Variants in PLPPR4 observed in about 807,000 individuals in gnomAD.
PLPPR4 encodes phospholipid phosphatase related 4, also known as phospholipid phosphatase-related protein type 4.
Under a neutral mutation model 56.6 loss-of-function variants are expected in PLPPR4, and 24 were observed. The observed-to-expected ratio is 0.42, with a 90% CI of 0.31 to 0.60. The LOEUF (loss-of-function observed/expected upper bound fraction) is 0.60. PLPPR4 is among the 20% of genes least tolerant of loss of function. PLPPR4 has a pLI of 0.13. For missense variants in PLPPR4, 654 were observed against 885.8 expected (o/e 0.74, Z 3.32); for synonymous variants, 326 against 328.1 (o/e 0.99, Z 0.07).
chr1:99,277,457 T>C (rs1659217520), intron 1 of PLPPR4, among the ~76,000 whole-genome samples: 1 of 152,202 alleles, frequency 6.6e-6, no homozygotes, highest in Non-Finnish European at 1.5e-5. Flanking sequence ...TAGTCAGTCC[T>C]CTTCAATTAG....
chr1:99,264,480 G>T (rs1392666516), upstream of PLPPR4: 1 of 1,526,688 alleles, frequency 6.6e-7, no homozygotes, highest in Admixed American at 2.2e-5. Context: ...CGGTGGCCGC[G>T]GGGAATGTGA....
intron 1 of PLPPR4, among the ~76,000 whole-genome samples, chr1:99,284,370 C>T (rs1454103476): frequency 1.3e-5 from 2 of 151,864 alleles, no homozygotes; most frequent in East Asian, 1.9e-4. Flanking sequence ...AGATTTTATA[C>T]AAATAACTAT....
At position 99,306,993 on chromosome 1, in the gene PLPPR4, C is replaced by G. The variant is rs998231690; in HGVS notation, c.2131C>G (p.Arg711Gly). ...CTTCTACAAAGGAACCTCCCCCACA[C>G]GGGCTTATAAGGATTGAGTGATGTC... ...NIFYKGTSPT[R>G]AYKD Residue 711 changes from arginine (R) to glycine (G), a missense_variant, in exon 7 of 7, where the codon CGG becomes GGG. Physicochemically the swap from Arg to Gly is moderately radical, Grantham distance 125. Coordinates refer to ENST00000370185, the MANE Select transcript of PLPPR4 (RefSeq NM_014839.5). This position sits in a 1 kb window ranked among gnomAD's most constrained non-coding sequence, Gnocchi z 4.0. 2 of 1,601,554 alleles carry G rather than the reference C, an allele frequency of 1.2e-6. No homozygotes were observed. Among genetic ancestry groups the G allele is most frequent in the African/African-American group, 2.7e-5 (2 of 74,820 alleles).
chr1:99,266,008 C>T (rs1176900106), intron 1 of PLPPR4, among the ~76,000 whole-genome samples: 1 of 152,066 alleles, frequency 6.6e-6, no homozygotes, highest in Non-Finnish European at 1.5e-5. Context: ...AATAATGAAT[C>T]CATTTATTAT....
At chr1:99,281,884 C>T (rs575768040) in intron 1 of PLPPR4, among the ~76,000 whole-genome samples, 1 of 152,194 alleles carries the variant, frequency 6.6e-6, no homozygotes, top group Admixed American at 6.5e-5. Flanking sequence ...TAGAATAGCT[C>T]TTGCATATGT....
intron 1 of PLPPR4, among the ~76,000 whole-genome samples, chr1:99,277,872 A>T (rs182519582): frequency 9.2e-5 from 14 of 152,236 alleles, no homozygotes; most frequent in Admixed American, 7.9e-4. Flanking sequence ...AAGATCGCTC[A>T]TGTAGAAGTT....
intron 1 of PLPPR4, among the ~76,000 whole-genome samples, chr1:99,277,305 C>CTTAT (rs1209775674): frequency 6.6e-6 from 1 of 152,178 alleles, no homozygotes; most frequent in East Asian, 1.9e-4. Context: ...GAAAGCTCTA[C>CTTAT]TCTTGTCTGC....
intron 2 of PLPPR4, among the ~76,000 whole-genome samples, chr1:99,294,778 C>T (rs1176197634): frequency 6.6e-6 from 1 of 151,224 alleles, no homozygotes; most frequent in Non-Finnish European, 1.5e-5. Context: ...TGACAAAACA[C>T]ACTTTTCTAT....
intron 3 of PLPPR4, among the ~76,000 whole-genome samples, chr1:99,297,163 C>G (rs955811815): frequency 1.3e-5 from 2 of 152,156 alleles, no homozygotes; most frequent in African/African-American, 4.8e-5. Flanking sequence ...TTCACTGGAT[C>G]TGTGGTCAGT....
At chr1:99,293,619 A>C (rs1659674540) in intron 2 of PLPPR4, among the ~76,000 whole-genome samples, 1 of 152,218 alleles carries the variant, frequency 6.6e-6, no homozygotes, top group African/African-American at 2.4e-5. Flanking sequence ...TTATAGAAGA[A>C]TTCCATCAGA....
At chr1:99,301,395 A>G (rs1309112654) in intron 5 of PLPPR4, among the ~76,000 whole-genome samples, 4 of 152,014 alleles carry the variant, frequency 2.6e-5, no homozygotes, top group African/African-American at 9.7e-5. Flanking sequence ...ATGAATAGTC[A>G]TTTTATCTAA....
At chr1:99,274,329 G>A (rs1008117573) in intron 1 of PLPPR4, among the ~76,000 whole-genome samples, 13 of 151,962 alleles carry the variant, frequency 8.6e-5, no homozygotes, top group African/African-American at 1.2e-4. Flanking sequence ...TTAATCATAT[G>A]CAAATTATAA....
chr1:99,268,408 G>T (rs1456169), intron 1 of PLPPR4, among the ~76,000 whole-genome samples: 67,654 of 152,074 alleles, frequency 0.44, 15,892 homozygotes, highest in Middle Eastern at 0.54. Context: ...AGAGTGTCAA[G>T]GTATCTCTAA....
At chr1:99,286,726 G>T (rs1425562073) in intron 1 of PLPPR4, among the ~76,000 whole-genome samples, 1 of 152,140 alleles carries the variant, frequency 6.6e-6, no homozygotes, top group Non-Finnish European at 1.5e-5. Context: ...TACAGGAAAA[G>T]AATGAAAACC....
intron 5 of PLPPR4, 125 bp from the exon 6 acceptor site, chr1:99,301,599 T>C (rs983952690): frequency 8.4e-6 from 5 of 594,446 alleles, no homozygotes; most frequent in Non-Finnish European, 1.5e-5. Flanking sequence ...AACATAGCCA[T>C]AGGAAGAGGG....
intron 4 of PLPPR4, 69 bp downstream of exon 4, chr1:99,299,299 T>A: frequency 1.8e-6 from 2 of 1,097,816 alleles, no homozygotes; most frequent in South Asian, 2.7e-5. Flanking sequence ...GGAGTATCAC[T>A]TTAAGCATGC....
At chr1:99,286,289 T>C (rs1246810102) in intron 1 of PLPPR4, among the ~76,000 whole-genome samples, 1 of 152,206 alleles carries the variant, frequency 6.6e-6, no homozygotes, top group Non-Finnish European at 1.5e-5. Context: ...AGTCTAGTTA[T>C]TGTAATTAAA....
rs1315235564 is a variant in PLPPR4, at chr1:99,306,347, C to T, written c.1485C>T (p.Asn495=). Residue 495 remains asparagine, a synonymous_variant, in exon 7 of 7, where the codon AAC becomes AAT. Transcript: ENST00000370185. This position sits in a 1 kb window ranked among gnomAD's most constrained non-coding sequence, Gnocchi z 4.0. The stretch of plus-strand genomic sequence containing the variant: ...ACATCCCTGAGGAGACTCAGGAAAA[C>T]ATAAGCACCTCCCCCAAAAGCAGCT... The part of the protein sequence containing the change: ...LVHIPEETQE[N]ISTSPKSSSA... The T allele has an allele frequency of 1.2e-6, 2 of 1,614,144 alleles. No homozygotes were observed. Among genetic ancestry groups the T allele is most frequent in the Non-Finnish European group, 1.7e-6 (2 of 1,180,020 alleles).
At chr1:99,302,490 A>G (rs577167492) in intron 6 of PLPPR4, among the ~76,000 whole-genome samples, 1 of 142,470 alleles carries the variant, frequency 7.0e-6, no homozygotes, top group African/African-American at 2.7e-5. Context: ...AACACTGAGA[A>G]ATGAGATGTA....
Sources: allele counts gnomAD v4.1 joint callset (sites outside exome capture counted in the v4.1 genomes callset), GRCh38; gene constraint gnomAD v4.1.1; non-coding constraint Gnocchi (gnomAD v3.1); transcripts MANE v1.5; gene names NCBI Gene and HGNC (gene_info 2026-07-23, HGNC 2026-07-21).